The following DAB1 variants were observed in gnomAD, a reference collection of about 807,000 sequenced individuals.
DAB1 encodes the protein DAB adaptor protein 1, also known as disabled homolog 1.
In DAB1, 15 loss-of-function variants were observed where a neutral mutation model predicts 64.6. The ratio of observed to expected loss-of-function variants is 0.23; its 90% CI spans 0.16 to 0.36. The LOEUF (loss-of-function observed/expected upper bound fraction) is 0.36. Among genes scored for constraint, DAB1 ranks in the 10% least tolerant of loss-of-function variants. DAB1 has a pLI of 1.00. For missense variants in DAB1, 596 were observed against 706.7 expected (o/e 0.84, Z 1.78); for synonymous variants, 235 against 251.9 (o/e 0.93, Z 0.64).
intron 5 of DAB1, among the ~76,000 whole-genome samples, chr1:58,095,504 A>T (rs1650924804): frequency 6.6e-6 from 1 of 152,168 alleles, no homozygotes; most frequent in Non-Finnish European, 1.5e-5. Flanking sequence ...CTTGCCTTGG[A>T]GGCTCCTTCC....
intron 7 of DAB1, among the ~76,000 whole-genome samples, chr1:57,458,721 G>A (rs547646997): frequency 5.9e-5 from 9 of 152,114 alleles, no homozygotes; most frequent in Middle Eastern, 3.4e-3. Flanking sequence ...ATTAAGTGAC[G>A]TATTAAATTA....
chr1:58,225,402 G>A (rs924164202), intron 4 of DAB1, among the ~76,000 whole-genome samples: 52 of 152,082 alleles, frequency 3.4e-4, no homozygotes, highest in Middle Eastern at 3.4e-3. Context: ...AAGTCAGTGT[G>A]GCGATTCCTC....
intron 5 of DAB1, among the ~76,000 whole-genome samples, chr1:57,895,535 A>C (rs1176381814): frequency 1.3e-5 from 2 of 152,226 alleles, no homozygotes; most frequent in Non-Finnish European, 2.9e-5. Context: ...GTGAGGACCC[A>C]GACAGCCCTG....
chr1:58,131,891 G>C (rs1446417024), intron 5 of DAB1, among the ~76,000 whole-genome samples: 1 of 150,366 alleles, frequency 6.7e-6, no homozygotes, highest in Non-Finnish European at 1.5e-5. Flanking sequence ...TAAGTCTGCA[G>C]AGGTTACTGC....
At chr1:58,156,579 C>T (rs796350483) in intron 4 of DAB1, among the ~76,000 whole-genome samples, 6 of 152,280 alleles carry the variant, frequency 3.9e-5, no homozygotes, top group African/African-American at 1.4e-4. Context: ...ACAGAGTGGA[C>T]TCTGGGTGCA....
chr1:58,164,445 T>A (rs1307924191), intron 4 of DAB1, among the ~76,000 whole-genome samples: 1 of 152,220 alleles, frequency 6.6e-6, no homozygotes, highest in East Asian at 1.9e-4. Context: ...CTCTCTGATC[T>A]GAAGTATAGA....
At chr1:57,153,680 C>T (rs1017431007) in intron 2 of DAB1, among the ~76,000 whole-genome samples, 9 of 152,108 alleles carry the variant, frequency 5.9e-5, no homozygotes, top group African/African-American at 2.2e-4. Flanking sequence ...CTCTGTCACT[C>T]AGGCTGGAGG....
chr1:57,861,469 A>G (rs2101942300), intron 1 of DAB1, among the ~76,000 whole-genome samples: 1 of 152,244 alleles, frequency 6.6e-6, no homozygotes, highest in Admixed American at 6.5e-5. Context: ...ATTACCTGGC[A>G]AAGGCCCTGC....
At chr1:57,545,720 C>T (rs1644848921) in intron 7 of DAB1, among the ~76,000 whole-genome samples, 1 of 152,156 alleles carries the variant, frequency 6.6e-6, no homozygotes, top group Non-Finnish European at 1.5e-5. Context: ...TGGCTCCCAC[C>T]TCATGTTATT....
intron 5 of DAB1, among the ~76,000 whole-genome samples, chr1:58,021,964 T>C (rs553001741): frequency 2.0e-4 from 31 of 152,302 alleles, no homozygotes; most frequent in Admixed American, 7.8e-4. Context: ...TTTCCTCTTA[T>C]AAAGCTATTC....
intron 5 of DAB1, among the ~76,000 whole-genome samples, chr1:58,062,018 A>G (rs1648532242): frequency 6.6e-6 from 1 of 152,226 alleles, no homozygotes; most frequent in Non-Finnish European, 1.5e-5. Context: ...AAGGAAACTG[A>G]GGCCCCAAAA....
chr1:58,471,275 T>TA (rs1645355028), intron 3 of DAB1, among the ~76,000 whole-genome samples: 1 of 152,010 alleles, frequency 6.6e-6, no homozygotes, highest in Non-Finnish European at 1.5e-5. Context: ...AAGACATAGG[T>TA]AAAAACAAAC....
rs560631315 is a variant in DAB1, at chr1:57,321,091, C to A, written c.-136-29925G>T. On this transcript the variant is annotated intron_variant, in intron 1 of 14. Transcript: ENST00000371236. ...TATACAAAGGTAATGTGTTAAAGGG[C>A]ACACAGCTAAGGAGTAGCAATGTCC... is the stretch of plus-strand genomic sequence containing the variant. Among the ~76,000 whole-genome samples the A allele has an allele frequency of 1.2e-3, 178 of 152,238 alleles. 2 individuals carry two copies. Among genetic ancestry groups the A allele is most frequent in the African/African-American group, 4.0e-3 (166 of 41,538 alleles).
intron 6 of DAB1, among the ~76,000 whole-genome samples, chr1:57,674,937 A>T (rs1346449743): frequency 2.6e-5 from 4 of 152,210 alleles, no homozygotes; most frequent in Non-Finnish European, 5.9e-5. Context: ...TCTTGCTTGC[A>T]GTTGGTTTGA....
intron 2 of DAB1, among the ~76,000 whole-genome samples, chr1:57,255,492 T>A (rs567543935): frequency 1.3e-5 from 2 of 151,978 alleles, no homozygotes; most frequent in Non-Finnish European, 1.5e-5. Flanking sequence ...CAAAACCCTG[T>A]ACCAAAAATA....
chr1:58,233,682 G>A (rs1659887607), intron 4 of DAB1, among the ~76,000 whole-genome samples: 1 of 152,146 alleles, frequency 6.6e-6, no homozygotes, highest in Admixed American at 6.5e-5. Flanking sequence ...AAGGCAGGTG[G>A]GAAAGCAAAG....
At chr1:57,114,044 A>T (rs1357754779) in intron 4 of DAB1, among the ~76,000 whole-genome samples, 2 of 152,172 alleles carry the variant, frequency 1.3e-5, no homozygotes, top group African/African-American at 4.8e-5. Context: ...ATGGAAACTG[A>T]CCTGGTCTCC....
At chr1:57,925,610 C>T (rs180674675) in intron 5 of DAB1, among the ~76,000 whole-genome samples, 33 of 152,330 alleles carry the variant, frequency 2.2e-4, no homozygotes, top group Middle Eastern at 6.8e-3. Context: ...TAAGGATTTT[C>T]TTCTTTCATA....
chr1:58,120,760 A>G (rs1439983035), intron 5 of DAB1, among the ~76,000 whole-genome samples: 1 of 152,202 alleles, frequency 6.6e-6, no homozygotes, highest in African/African-American at 2.4e-5. Flanking sequence ...ATCAAAATCT[A>G]AAATGACGTA....
Sources: gnomAD v4.1 joint callset for allele counts (sites outside exome capture counted in the v4.1 genomes callset) on GRCh38, gnomAD v4.1.1 for gene constraint, MANE v1.5 for transcripts, NCBI Gene and HGNC (gene_info 2026-07-23, HGNC 2026-07-21) for gene names.